The following UBQLN1 variants were observed in gnomAD, a reference collection of about 807,000 sequenced individuals.
UBQLN1 encodes the protein ubiquilin-1.
Under a neutral mutation model 65.4 loss-of-function variants are expected in UBQLN1, and 13 were observed. The observed-to-expected ratio is 0.20, with a 90% confidence interval of 0.13 to 0.32. The LOEUF (loss-of-function observed/expected upper bound fraction) is 0.32. Among genes scored for constraint, UBQLN1 ranks in the 10% least tolerant of loss-of-function variants. UBQLN1 has a pLI of 1.00. For synonymous variants in UBQLN1, 267 were observed against 247.8 expected (o/e 1.08, Z -0.73); for missense variants, 561 against 724.0 (o/e 0.77, Z 2.58).
chr9:83,665,158 G>C lies in UBQLN1; in HGVS notation c.1333-13C>G, dbSNP rs1587636720. 6.4e-7 allele frequency: 1 copy of C among 1,559,998 alleles called. No homozygotes were observed. The highest frequency in any genetic ancestry group is 2.3e-5 in the East Asian group (1 of 44,436). On this transcript the variant is annotated splice_polypyrimidine_tract_variant and intron_variant, in intron 8 of 10. Transcript: ENST00000376395. ...CAGGATTCTGCATCTAAGGAAGAAA[G>C]AAAACTAGTGGTTACAAAGGAATTA...
At chr9:83,676,915 A>C (rs1379887298) in intron 6 of UBQLN1, among the ~76,000 whole-genome samples, 1 of 152,236 alleles carries the variant, frequency 6.6e-6, no homozygotes, top group African/African-American at 2.4e-5. Flanking sequence ...TGAATAGCTG[A>C]AAGGAAGACA....
rs187119537 is a variant in UBQLN1 at position 83,675,042 on chromosome 9, T to C, written c.1105+2685A>G. On this transcript the variant is annotated intron_variant, in intron 6 of 10. Coordinates refer to ENST00000376395, the MANE Select transcript of UBQLN1 (RefSeq NM_013438.5). Reference sequence around the variant, plus strand: ...CATCAGTAGGTACTCTGGAAAACATTTGGATCTATCATGTTACTGAACCAG... The same window carrying C: ...CATCAGTAGGTACTCTGGAAAACATCTGGATCTATCATGTTACTGAACCAG... Among the ~76,000 whole-genome samples the C allele has an allele frequency of 9.8e-5, 15 of 152,306 alleles. 1 individual carries two copies. The highest frequency in any genetic ancestry group is 5.9e-5 in the Non-Finnish European group (4 of 68,010).
Position 83,669,224 on chromosome 9 carries a change from C to CA in UBQLN1, c.1208dup (p.Met403IlefsTer10). The CA allele has an allele frequency of 6.2e-7, 1 of 1,612,056 alleles. No individual in the cohort carries two copies. Among genetic ancestry groups the CA allele is most frequent in the Admixed American group, 1.7e-5 (1 of 59,206 alleles). ...CAGGATTCTGGCTTAGTGACTGCAT[C>CA]ATGCTTCTCATGTAGGGGGCAGACA... On this transcript the variant is annotated frameshift_variant, in exon 7 of 11. Transcript: ENST00000376395. LOFTEE classifies it high-confidence loss of function.
At chr9:83,662,971 G>C (rs1055989122) in intron 10 of UBQLN1, among the ~76,000 whole-genome samples, 11 of 151,988 alleles carry the variant, frequency 7.2e-5, no homozygotes, top group Admixed American at 5.2e-4. Flanking sequence ...AGCTACTCCA[G>C]AGGCTAAGGT....
Position 83,707,704 on chromosome 9 carries a change from G to C in UBQLN1, c.-25C>G, listed in dbSNP as rs1025088538. 2.0e-6 allele frequency: 3 copies of C among 1,524,354 alleles called. No homozygotes were observed. The highest frequency in any genetic ancestry group is 1.8e-6 in the Non-Finnish European group (2 of 1,142,202). The allele number at this position is 1,524,354 out of a possible 1,614,324, so 94.4% of individuals were successfully genotyped here. ...TGGCTGTGGCGGCGGCGGCGGCGGT[G>C]ACTCAGGCAAGCAGGAGGGAGCAGG... On this transcript the variant is annotated 5_prime_UTR_variant, in exon 1 of 11. Transcript: ENST00000376395.
intron 1 of UBQLN1, among the ~76,000 whole-genome samples, chr9:83,703,174 A>AAC (rs397803965): frequency 6.6e-6 from 1 of 151,428 alleles, no homozygotes; most frequent in East Asian, 1.9e-4. Context: ...AAAAAAAAAA[A>AAC]TCTCATACAC....
At position 83,679,844 on chromosome 9, in the gene UBQLN1, T is replaced by C. The variant is rs1292083328; in HGVS notation, c.642A>G (p.Gln214=). 1.2e-6 allele frequency: 2 copies of C among 1,614,082 alleles called. No homozygotes were observed. Among genetic ancestry groups the C allele is most frequent in the African/African-American group, 2.7e-5 (2 of 74,940 alleles). The part of the protein sequence containing the change: ...LMRQLIMANP[Q]MQQLIQRNPE... Reference sequence around the variant, plus strand: ...GATTTCTCTGTATCAACTGCTGCATTTGTGGATTGGCCATAATTAACTGTC... The same window carrying C: ...GATTTCTCTGTATCAACTGCTGCATCTGTGGATTGGCCATAATTAACTGTC... Residue 214 remains glutamine (Q), a synonymous_variant, in exon 4 of 11, where the codon CAA becomes CAG. Transcript: ENST00000376395.
At position 83,707,764 on chromosome 9, in the gene UBQLN1, C is replaced by T. The variant is rs1488557542; in HGVS notation, c.-85G>A. ...AGGAGCCAGCAGACACCAGAGCCGGCAGGCCTGGACAGCGAAGAATGCAGA... is the reference window on the plus strand; with the variant it reads ...AGGAGCCAGCAGACACCAGAGCCGGTAGGCCTGGACAGCGAAGAATGCAGA... On this transcript the variant is annotated 5_prime_UTR_variant, in exon 1 of 11. Coordinates refer to ENST00000376395, the MANE Select transcript of UBQLN1 (RefSeq NM_013438.5). 6.9e-7 allele frequency: 1 copy of T among 1,453,262 alleles called. No homozygotes were observed. The highest frequency in any genetic ancestry group is 1.4e-5 in the South Asian group (1 of 73,258). The allele number at this position is 1,453,262 out of a possible 1,614,324, so 90.0% of individuals were successfully genotyped here.
rs1831546711 is a variant in UBQLN1 at position 83,660,545 on chromosome 9, CT to C, written c.*1241del. 1 of 152,396 alleles carries C rather than the reference CT, an allele frequency of 6.6e-6. No homozygotes were observed. The highest frequency in any genetic ancestry group is 2.4e-5 in the African/African-American group (1 of 41,436). 9.4% of individuals were successfully genotyped at this position (152,396 alleles called of 1,614,324 possible). ...TGTACTCAACATCATTAAAACGGCT[CT>C]TTGTTTTTCACCCCTGAATGATACT... is the stretch of plus-strand genomic sequence containing the variant. On this transcript the variant is annotated 3_prime_UTR_variant, in exon 11 of 11. Coordinates refer to ENST00000376395, the MANE Select transcript of UBQLN1 (RefSeq NM_013438.5).
chr9:83,699,127 G>A (rs892819348), intron 1 of UBQLN1, among the ~76,000 whole-genome samples: 2 of 151,994 alleles, frequency 1.3e-5, no homozygotes, highest in East Asian at 1.9e-4. Context: ...CTGTTTAAAC[G>A]GTCCAGGGTT....
chr9:83,665,807 T>C (rs1446543604), intron 8 of UBQLN1, among the ~76,000 whole-genome samples: 1 of 152,196 alleles, frequency 6.6e-6, no homozygotes, highest in Non-Finnish European at 1.5e-5. Context: ...TTTTAAATAA[T>C]AAAATACCAT....
At chr9:83,696,823 G>C (rs1404782268) in intron 1 of UBQLN1, among the ~76,000 whole-genome samples, 1 of 152,150 alleles carries the variant, frequency 6.6e-6, no homozygotes, top group Non-Finnish European at 1.5e-5. Context: ...AGTACTCGGG[G>C]GCAGGGGGGC....
In UBQLN1 at chr9:83,678,320, C is replaced by T. The variant is rs1587646981; in HGVS notation, c.870+121G>A. On this transcript the variant is annotated intron_variant, in intron 5 of 10. Coordinates refer to ENST00000376395, the MANE Select transcript of UBQLN1 (RefSeq NM_013438.5). ...ACAGGCGTGAGCCACTGCACCCGGC[C>T]ACTGAACTTTTTAAAAATTGAAAAC... is the stretch of plus-strand genomic sequence containing the variant. The T allele has an allele frequency of 2.4e-6, 3 of 1,267,160 alleles. No individual in the cohort carries two copies. The East Asian group carries it at 7.3e-5, about 31-fold the overall frequency. The allele number at this position is 1,267,160 out of a possible 1,614,324, so 78.5% of individuals were successfully genotyped here.
chr9:83,699,021 T>A (rs1832267912), intron 1 of UBQLN1, among the ~76,000 whole-genome samples: 1 of 152,186 alleles, frequency 6.6e-6, no homozygotes, highest in Non-Finnish European at 1.5e-5. Context: ...CACTGTCTTA[T>A]TCCACTTATA....
At chr9:83,704,142 A>T (rs1223904352) in intron 1 of UBQLN1, among the ~76,000 whole-genome samples, 1 of 152,236 alleles carries the variant, frequency 6.6e-6, no homozygotes, top group East Asian at 1.9e-4. Context: ...ACAAATTTTA[A>T]AGACTAAATA....
chr9:83,688,072 C>G (rs1365929672), intron 1 of UBQLN1, among the ~76,000 whole-genome samples: 1 of 152,184 alleles, frequency 6.6e-6, no homozygotes, highest in Non-Finnish European at 1.5e-5. Flanking sequence ...TTAGACATCT[C>G]ATTTTTCCCT....
intron 5 of UBQLN1, among the ~76,000 whole-genome samples, 177 bp from the exon 6 acceptor site, chr9:83,678,138 C>T (rs547438069): frequency 6.6e-6 from 1 of 151,896 alleles, no homozygotes; most frequent in South Asian, 2.1e-4. Flanking sequence ...TCTCCTGCCT[C>T]AGCCTCCCGA....
chr9:83,702,537 C>G (rs1832328894), intron 1 of UBQLN1, among the ~76,000 whole-genome samples: 3 of 151,682 alleles, frequency 2.0e-5, no homozygotes, highest in Admixed American at 6.6e-5. Context: ...AGCAGCCATA[C>G]TGAAAAAAAA....
intron 1 of UBQLN1, among the ~76,000 whole-genome samples, chr9:83,704,711 C>T (rs1832368540): frequency 6.6e-6 from 1 of 150,430 alleles, no homozygotes; most frequent in Non-Finnish European, 1.5e-5. Context: ...CCTGTAGTCT[C>T]AGCTACTAGG....
Sources: gnomAD v4.1 joint callset for allele counts (sites outside exome capture counted in the v4.1 genomes callset) on GRCh38, gnomAD v4.1.1 for gene constraint, MANE v1.5 for transcripts, NCBI Gene and HGNC (gene_info 2026-07-23, HGNC 2026-07-21) for gene names.